The following C11orf65 variants were observed in gnomAD, a reference collection of about 807,000 sequenced individuals.
C11orf65 encodes the protein chromosome 11 open reading frame 65, also known as protein MFI.
Under a neutral mutation model 35.3 loss-of-function variants are expected in C11orf65, and 38 were observed. The ratio of observed to expected loss-of-function variants is 1.08; its 90% CI spans 0.83 to 1.41. The LOEUF (loss-of-function observed/expected upper bound fraction) is 1.41, where lower values mean the gene tolerates loss of function less well. C11orf65 is among the 40% of genes most tolerant of loss of function. The pLI, the probability that C11orf65 is intolerant of heterozygous loss-of-function variation, is 0.00. For synonymous variants in C11orf65, 105 were observed against 114.4 expected (o/e 0.92, Z 0.53); for missense variants, 370 against 367.1 (o/e 1.01, Z -0.06).
intron 3 of C11orf65, among the ~76,000 whole-genome samples, chr11:108,429,350 G>A (rs112745916): frequency 3.9e-5 from 6 of 152,274 alleles, no homozygotes; most frequent in African/African-American, 1.4e-4. Context: ...GTTGAAGCTA[G>A]ATGATGGGTA....
In C11orf65 at chr11:108,358,060, G is replaced by A. The variant is rs558450725; in HGVS notation, c.227-22768C>T. Among the ~76,000 whole-genome samples the A allele has an allele frequency of 3.7e-4, 54 of 147,484 alleles. No individual in the cohort carries two copies. In the East Asian group the frequency reaches 1.0e-2, roughly 27 times the overall value. On this transcript the variant is annotated intron_variant, in intron 2 of 3. Coordinates refer to the C11orf65 transcript ENST00000524755. ...TGACAACTTTGAAAAAAATTTAGAA[G>A]AATGTATAACTAGAATAACCAATAC...
intron 2 of C11orf65, among the ~76,000 whole-genome samples, chr11:108,360,327 C>G (rs1187122172): frequency 2.0e-5 from 3 of 151,798 alleles, no homozygotes; most frequent in Non-Finnish European, 4.4e-5. Context: ...CAAAAAGAGT[C>G]CAGGACCAGA....
chr11:108,349,425 G>A (rs111948358), intron 2 of C11orf65, among the ~76,000 whole-genome samples: 3 of 152,272 alleles, frequency 2.0e-5, no homozygotes, highest in Admixed American at 6.5e-5. Context: ...AACACTTTGG[G>A]AGGCCAAGGC....
intron 2 of C11orf65, 36 bp from the exon 3 acceptor site, chr11:108,431,874 T>G (rs761430163): frequency 7.7e-7 from 1 of 1,303,234 alleles, no homozygotes; most frequent in Non-Finnish European, 1.1e-6. Context: ...TGATCAAAAC[T>G]GGATTTTCTA....
chr11:108,383,698 T>C (rs930472734), intron 8 of C11orf65, among the ~76,000 whole-genome samples: 1 of 152,150 alleles, frequency 6.6e-6, no homozygotes, highest in African/African-American at 2.4e-5. Context: ...ACACACATTA[T>C]CCTCTTCTCC....
At chr11:108,468,978 G>T (rs2093561961), upstream of C11orf65, among the ~76,000 whole-genome samples, 1 of 151,966 alleles carries the variant, frequency 6.6e-6, no homozygotes, top group Non-Finnish European at 1.5e-5. Context: ...CCAAGTAGCT[G>T]GGACTACAGG....
chr11:108,311,823 A>G (rs1425920007), intron 6 of C11orf65, among the ~76,000 whole-genome samples: 1 of 152,188 alleles, frequency 6.6e-6, no homozygotes, highest in Non-Finnish European at 1.5e-5. Context: ...CACAGCTGTC[A>G]TGGTTTTAGA....
In C11orf65 at chr11:108,317,716, A is replaced by G. The variant is rs1183690503; in HGVS notation, c.641-8645T>C. Among the ~76,000 whole-genome samples the G allele has an allele frequency of 3.4e-5, 5 of 147,276 alleles. No homozygotes were observed. In the Admixed American group the frequency reaches 3.4e-4, roughly 10 times the overall value. On this transcript the variant is annotated intron_variant, in intron 6 of 6. Transcript: ENST00000525729. ...CCATATATATAGTGTGTATGTGTGT[A>G]TATATATATAAAAAAATATATAGTA...
At chr11:108,421,703 G>T (rs575120919) in intron 3 of C11orf65, among the ~76,000 whole-genome samples, 1 of 152,180 alleles carries the variant, frequency 6.6e-6, no homozygotes, top group Admixed American at 6.5e-5. Flanking sequence ...CACAATTTTT[G>T]AGAACAAGTT....
intron 6 of C11orf65, chr11:108,317,344 A>T (rs751400970): frequency 6.2e-7 from 1 of 1,603,388 alleles, no homozygotes; most frequent in South Asian, 1.1e-5. Flanking sequence ...TTGATTACTT[A>T]ACTTAAAAAC....
intron 8 of C11orf65, 115 bp from the exon 9 acceptor site, chr11:108,383,290 A>C (rs1401707516): frequency 1.1e-6 from 1 of 898,800 alleles, no homozygotes; most frequent in Admixed American, 3.4e-5. Context: ...TAAAGCAAAT[A>C]TCTTCACCTG....
intron 2 of C11orf65, among the ~76,000 whole-genome samples, chr11:108,345,004 C>G (rs2088130643): frequency 1.3e-5 from 2 of 151,282 alleles, no homozygotes; most frequent in African/African-American, 4.9e-5. Context: ...GTCACCCTGT[C>G]TCCAAAAAAA....
chr11:108,349,615 A>G (rs960602185), intron 2 of C11orf65, among the ~76,000 whole-genome samples: 2 of 152,164 alleles, frequency 1.3e-5, no homozygotes, highest in African/African-American at 4.8e-5. Context: ...GTGAGCTAAG[A>G]TCATGCCACT....
At chr11:108,462,863 T>C (rs1425137216) in intron 1 of C11orf65, among the ~76,000 whole-genome samples, 4 of 152,244 alleles carry the variant, frequency 2.6e-5, no homozygotes, top group Non-Finnish European at 1.5e-5. Flanking sequence ...CTCATGCCTG[T>C]AATCCCATGG....
chr11:108,332,939 G>A (rs2086440836), intron 3 of C11orf65: 4 of 1,594,640 alleles, frequency 2.5e-6, no homozygotes, highest in East Asian at 2.2e-5. Context: ...CTTTCTTGCT[G>A]TGTTACTCTC....
intron 2 of C11orf65, among the ~76,000 whole-genome samples, chr11:108,456,289 G>A (rs2093410651): frequency 6.6e-6 from 1 of 152,126 alleles, no homozygotes; most frequent in Non-Finnish European, 1.5e-5. Context: ...TATTTTCAAA[G>A]GTATTTGATC....
chr11:108,450,687 A>T (rs547890553), intron 2 of C11orf65, among the ~76,000 whole-genome samples: 1 of 150,644 alleles, frequency 6.6e-6, no homozygotes, highest in East Asian at 2.0e-4. Context: ...TGATGAGTTA[A>T]TGGGTGCAGT....
At chr11:108,460,360 G>A (rs906524357) in intron 2 of C11orf65, among the ~76,000 whole-genome samples, 5 of 152,046 alleles carry the variant, frequency 3.3e-5, no homozygotes, top group African/African-American at 1.2e-4. Flanking sequence ...TTACCTCTTG[G>A]CTCTCACCCA....
At chr11:108,360,746 AC>A (rs2090631471) in intron 2 of C11orf65, among the ~76,000 whole-genome samples, 1 of 126,056 alleles carries the variant, frequency 7.9e-6, no homozygotes. Flanking sequence ...AAATTCAACA[AC>A]CCTTCATGCT....
Sources: allele counts gnomAD v4.1 joint callset (sites outside exome capture counted in the v4.1 genomes callset), GRCh38; gene constraint gnomAD v4.1.1; transcripts MANE v1.5; gene names NCBI Gene and HGNC (gene_info 2026-07-23, HGNC 2026-07-21).